The following ADARB2 variants were observed in gnomAD, a reference collection of about 807,000 sequenced individuals.
ADARB2 encodes adenosine deaminase RNA specific B2 (inactive).
ADARB2 carries 25 observed loss-of-function variants against 62.2 expected under a neutral mutation model. The ratio of observed to expected loss-of-function variants is 0.40; its 90% CI spans 0.29 to 0.56. ADARB2 has a LOEUF of 0.56. Ranked by LOEUF, ADARB2 falls within the 20% of genes least tolerant of loss-of-function variation. ADARB2 has a pLI of 0.43. For synonymous variants in ADARB2, 572 were observed against 500.8 expected (o/e 1.14, Z -1.90); for missense variants, 1,071 against 1,077.4 (o/e 0.99, Z 0.08).
At chr10:1,205,988 G>A (rs1837055731) in intron 7 of ADARB2, among the ~76,000 whole-genome samples, 1 of 151,862 alleles carries the variant, frequency 6.6e-6, no homozygotes, top group South Asian at 2.1e-4. Context: ...GGTGTCACGG[G>A]GCAGCCCGCT....
At chr10:1,659,891 G>C (rs1315313271) in intron 1 of ADARB2, among the ~76,000 whole-genome samples, 1 of 143,946 alleles carries the variant, frequency 6.9e-6, no homozygotes, top group Non-Finnish European at 1.5e-5. Flanking sequence ...AGTGTCCTGT[G>C]AGACTCCGGG....
intron 8 of ADARB2, among the ~76,000 whole-genome samples, chr10:1,189,304 G>A (rs949844888): frequency 1.3e-5 from 2 of 152,088 alleles, no homozygotes; most frequent in Non-Finnish European, 2.9e-5. Context: ...AAGACATGCA[G>A]AGCCTTCTGG....
chr10:1,481,157 C>G (rs1220397258), intron 1 of ADARB2, among the ~76,000 whole-genome samples: 1 of 152,182 alleles, frequency 6.6e-6, no homozygotes, highest in Non-Finnish European at 1.5e-5. Context: ...AGAAATAAAC[C>G]TTTGCATATG....
chr10:1,669,290 C>T (rs1421557869), intron 1 of ADARB2, among the ~76,000 whole-genome samples: 1 of 152,146 alleles, frequency 6.6e-6, no homozygotes, highest in Non-Finnish European at 1.5e-5. Context: ...TTGACACCAA[C>T]CCCTAGAAGG....
At chr10:1,665,922 C>T (rs1406453700) in intron 1 of ADARB2, among the ~76,000 whole-genome samples, 4 of 152,154 alleles carry the variant, frequency 2.6e-5, no homozygotes, top group South Asian at 2.1e-4. Flanking sequence ...CGTCAGAGGA[C>T]GGACAAGGAT....
rs1023238252 is a variant in ADARB2 at position 1,255,404 on chromosome 10, C to G, written c.1193-13105G>C. Reference sequence around the variant, plus strand: ...GGCACATGTGAGCGCTGGGTCTACACACTAATCAAACATGCTGCTCACTCC... The same window carrying G: ...GGCACATGTGAGCGCTGGGTCTACAGACTAATCAAACATGCTGCTCACTCC... On this transcript the variant is annotated intron_variant, in intron 4 of 9. Coordinates refer to ENST00000381312, the MANE Select transcript of ADARB2 (RefSeq NM_018702.4). This position sits in a 1 kb window ranked among gnomAD's most constrained non-coding sequence, Gnocchi z 4.7. 2.6e-5 allele frequency among the ~76,000 whole-genome samples: 4 copies of G among 152,226 alleles called. No homozygotes were observed. The highest frequency in any genetic ancestry group is 9.6e-5 in the African/African-American group (4 of 41,460).
intron 1 of ADARB2, among the ~76,000 whole-genome samples, chr10:1,658,406 A>C (rs1875013): frequency 0.16 from 24,075 of 148,470 alleles, 2,875 homozygotes; most frequent in African/African-American, 0.34. Context: ...CTCTGTCTCT[A>C]TCTGATACTG....
At chr10:1,600,234 C>T (rs930259834) in intron 1 of ADARB2, among the ~76,000 whole-genome samples, 1 of 152,082 alleles carries the variant, frequency 6.6e-6, no homozygotes, top group Non-Finnish European at 1.5e-5. Context: ...TAGGTGTTTG[C>T]CTGGGATGGG....
intron 6 of ADARB2, among the ~76,000 whole-genome samples, chr10:1,231,883 T>G (rs570898933): frequency 6.6e-6 from 1 of 152,332 alleles, no homozygotes; most frequent in South Asian, 2.1e-4. Context: ...AGAATCAGGC[T>G]AAGCTCGTGT....
chr10:1,684,183 C>T (rs925631398), intron 1 of ADARB2, among the ~76,000 whole-genome samples: 1 of 152,194 alleles, frequency 6.6e-6, no homozygotes, highest in Non-Finnish European at 1.5e-5. Context: ...TCCAAAATAA[C>T]GTTCCTCTGA....
intron 1 of ADARB2, among the ~76,000 whole-genome samples, chr10:1,647,340 T>C (rs1008641170): frequency 2.6e-5 from 4 of 152,262 alleles, no homozygotes; most frequent in African/African-American, 7.2e-5. Flanking sequence ...CATATATGTG[T>C]GCATGTATAT....
chr10:1,671,444 C>T (rs1451648660), intron 1 of ADARB2, among the ~76,000 whole-genome samples: 5 of 152,304 alleles, frequency 3.3e-5, no homozygotes, highest in African/African-American at 1.2e-4. Flanking sequence ...TGGAGATGTT[C>T]GGAAGGAGAC....
intron 1 of ADARB2, among the ~76,000 whole-genome samples, chr10:1,447,588 T>C (rs909822155): frequency 2.6e-5 from 4 of 152,150 alleles, no homozygotes; most frequent in African/African-American, 9.7e-5. Context: ...CTTTTTAAAA[T>C]GTGATTGCAG....
intron 1 of ADARB2, among the ~76,000 whole-genome samples, chr10:1,606,232 G>A (rs531305251): frequency 3.0e-4 from 45 of 152,220 alleles, no homozygotes; most frequent in African/African-American, 1.1e-3. Flanking sequence ...TTCACCCTAT[G>A]GCACTAGTTC....
intron 1 of ADARB2, among the ~76,000 whole-genome samples, chr10:1,567,160 A>G (rs1347625810): frequency 6.6e-6 from 1 of 152,094 alleles, no homozygotes; most frequent in Non-Finnish European, 1.5e-5. Context: ...TGTGATGCTC[A>G]GAGGAAGTCT....
intron 3 of ADARB2, among the ~76,000 whole-genome samples, chr10:1,317,039 T>G (rs1831746000): frequency 6.6e-6 from 1 of 152,184 alleles, no homozygotes; most frequent in South Asian, 2.1e-4. Context: ...GAAGGAAAAA[T>G]CATTTTTATG....
At chr10:1,508,210 C>T (rs1416187088) in intron 1 of ADARB2, among the ~76,000 whole-genome samples, 2 of 152,162 alleles carry the variant, frequency 1.3e-5, no homozygotes, top group Non-Finnish European at 2.9e-5. Flanking sequence ...GGTTGAGAGC[C>T]CTCACTGTCA....
intron 1 of ADARB2, among the ~76,000 whole-genome samples, chr10:1,659,061 A>G (rs1026507353): frequency 6.6e-6 from 1 of 152,184 alleles, no homozygotes; most frequent in Admixed American, 6.6e-5. Context: ...ATCTCCTGTT[A>G]ATTGTCAGCC....
intron 1 of ADARB2, among the ~76,000 whole-genome samples, chr10:1,483,379 G>C (rs1011023867): frequency 6.6e-6 from 1 of 152,146 alleles, no homozygotes; most frequent in Non-Finnish European, 1.5e-5. Flanking sequence ...CTGTTCTAAC[G>C]GTGTAAGAAG....
Sources: allele counts gnomAD v4.1 joint callset (sites outside exome capture counted in the v4.1 genomes callset), GRCh38; gene constraint gnomAD v4.1.1; non-coding constraint Gnocchi (gnomAD v3.1); transcripts MANE v1.5; gene names NCBI Gene and HGNC (gene_info 2026-07-23, HGNC 2026-07-21).